TCF12: variants seen among roughly 807,000 people sequenced by gnomAD.
The protein encoded by TCF12 is DNA-binding protein HTF4.
In TCF12, 45 loss-of-function variants were observed where a neutral mutation model predicts 86.0. The observed-to-expected ratio is 0.52, with a 90% CI of 0.41 to 0.67. TCF12 has a LOEUF of 0.67. Ranked by LOEUF, TCF12 falls within the 30% of genes least tolerant of loss-of-function variation. The pLI, the probability that TCF12 is intolerant of heterozygous loss-of-function variation, is 0.00. For synonymous variants in TCF12, 330 were observed against 299.6 expected (o/e 1.10, Z -1.05); for missense variants, 881 against 859.9 (o/e 1.02, Z -0.31).
intron 8 of TCF12, among the ~76,000 whole-genome samples, chr15:57,211,390 C>CTTTAAA (rs2058094728): frequency 6.6e-6 from 1 of 151,868 alleles, no homozygotes; most frequent in Non-Finnish European, 1.5e-5. Context: ...CAAAGTGAGA[C>CTTTAAA]CTTGTGTCAA....
At chr15:57,132,300 A>G (rs2052188694) in intron 5 of TCF12, among the ~76,000 whole-genome samples, 1 of 152,222 alleles carries the variant, frequency 6.6e-6, no homozygotes, top group East Asian at 1.9e-4. Context: ...TGTAATCACT[A>G]TTAGCCTTTT....
At chr15:57,059,347 A>G (rs1195141789) in intron 3 of TCF12, among the ~76,000 whole-genome samples, 1 of 152,168 alleles carries the variant, frequency 6.6e-6, no homozygotes, top group East Asian at 1.9e-4. Flanking sequence ...CAGTATGGCC[A>G]GATTGAATTG....
At chr15:57,067,537 T>C (rs1596366775) in intron 4 of TCF12, among the ~76,000 whole-genome samples, 2 of 33,542 alleles carry the variant, frequency 6.0e-5, no homozygotes, top group African/African-American at 3.8e-4. Context: ...AGACTCCGTC[T>C]CAAAAAAAAA....
At chr15:56,923,204 T>C (rs1475016386) in intron 3 of TCF12, among the ~76,000 whole-genome samples, 2 of 152,096 alleles carry the variant, frequency 1.3e-5, no homozygotes, top group Non-Finnish European at 2.9e-5. Flanking sequence ...TGAGGAAGAC[T>C]CAATTTCACA....
At chr15:57,028,351 T>C (rs2065947762) in intron 3 of TCF12, among the ~76,000 whole-genome samples, 2 of 143,964 alleles carry the variant, frequency 1.4e-5, no homozygotes, top group Admixed American at 6.7e-5. Context: ...AACACATTAT[T>C]GTTGCAGTTG....
intron 4 of TCF12, among the ~76,000 whole-genome samples, chr15:57,069,514 C>A (rs535661686): frequency 1.6e-3 from 250 of 152,242 alleles, no homozygotes; most frequent in African/African-American, 5.8e-3. Context: ...TTTACAGTAT[C>A]ATAGAATTTT....
chr15:57,047,561 C>G (rs948466500), intron 3 of TCF12, among the ~76,000 whole-genome samples: 5 of 152,164 alleles, frequency 3.3e-5, no homozygotes, highest in Admixed American at 6.5e-5. Flanking sequence ...CCTTGAGCAG[C>G]AATTGATTAT....
At chr15:57,153,024 A>G (rs2053874779) in intron 5 of TCF12, among the ~76,000 whole-genome samples, 1 of 152,340 alleles carries the variant, frequency 6.6e-6, no homozygotes, top group Admixed American at 6.5e-5. Flanking sequence ...TGCAGGCAAG[A>G]TGATAGTGAT....
chr15:57,252,376 ATCTTAACCTG>A, intron 14 of TCF12, 35 bp from the exon 15 acceptor site: 1 of 1,512,308 alleles, frequency 6.6e-7, no homozygotes, highest in South Asian at 1.1e-5. Context: ...TTTGGAGTTA[ATCTTAACCTG>A]TGCTTTGCCT....
In TCF12 at chr15:57,150,890, C is replaced by T. The variant is rs2053697116; in HGVS notation, c.326-15512C>T. Among the ~76,000 whole-genome samples, 5 of 109,476 alleles carry T rather than the reference C, an allele frequency of 4.6e-5. 1 individual carries two copies. In the South Asian group the frequency reaches 2.0e-3, roughly 44 times the overall value. 71.8% of individuals were successfully genotyped at this position (109,476 alleles called of 152,430 possible). ...CCCTCTGTCCCTTCCTTCCTTCCTT[C>T]CTTCCTTCCTTCCTTCCTTCCTTCC... is the stretch of plus-strand genomic sequence containing the variant. On this transcript the variant is annotated intron_variant, in intron 5 of 20. Coordinates refer to ENST00000333725, the MANE Select transcript of TCF12 (RefSeq NM_207037.2).
intron 3 of TCF12, among the ~76,000 whole-genome samples, chr15:57,040,921 A>G (rs2066856909): frequency 2.0e-5 from 3 of 152,204 alleles, no homozygotes. Context: ...CTATTTTTGT[A>G]CATTTTAACA....
Position 57,274,221 on chromosome 15 carries a change from C to T in TCF12, c.1978+959C>T, listed in dbSNP as rs2061276164. Among the ~76,000 whole-genome samples, 3 of 67,532 alleles carry T rather than the reference C, an allele frequency of 4.4e-5. No individual in the cohort carries two copies. In the Admixed American group the frequency reaches 4.6e-4, roughly 10 times the overall value. 44.3% of individuals were successfully genotyped at this position (67,532 alleles called of 152,430 possible). On this transcript the variant is annotated intron_variant, in intron 19 of 20. Transcript: ENST00000333725. ...ATGCTTGAAAACTACAGCCATGGAG[C>T]CTCAGCATTAGATTACAGAATGAGT...
chr15:57,146,635 G>C (rs2053383180), intron 5 of TCF12, among the ~76,000 whole-genome samples: 2 of 152,108 alleles, frequency 1.3e-5, no homozygotes, highest in African/African-American at 4.8e-5. Flanking sequence ...TTAGCTTTTT[G>C]TTTGCTGTGA....
intron 3 of TCF12, among the ~76,000 whole-genome samples, chr15:56,935,917 G>C (rs1361720256): frequency 1.2e-4 from 18 of 152,234 alleles, no homozygotes; most frequent in African/African-American, 4.3e-4. Context: ...CATTTGAGCT[G>C]GTTCCATATT....
intron 8 of TCF12, among the ~76,000 whole-genome samples, chr15:57,222,702 G>GA (rs1171432186): frequency 1.5e-5 from 2 of 131,696 alleles, no homozygotes; most frequent in South Asian, 2.5e-4. Context: ...CAGAAAGTGA[G>GA]AAAAAAGTCT....
intron 12 of TCF12, among the ~76,000 whole-genome samples, chr15:57,236,742 G>T (rs191382615): frequency 6.6e-6 from 1 of 151,778 alleles, no homozygotes; most frequent in Admixed American, 6.6e-5. Flanking sequence ...CTGCATAATT[G>T]TGGTCTTAAT....
rs114757166 is a variant in TCF12 at position 57,005,972 on chromosome 15, A to T, written c.149-57778A>T. Among the ~76,000 whole-genome samples the T allele has an allele frequency of 6.3e-3, 966 of 152,218 alleles. 13 individuals carry two copies. Among genetic ancestry groups the T allele is most frequent in the African/African-American group, 0.022 (922 of 41,522 alleles). On this transcript the variant is annotated intron_variant, in intron 3 of 20. Transcript: ENST00000333725. ...TTCTTATTATACTCTTATTTGGTAG[A>T]CCTTTTTTCCAAACTTACTGTATTT...
chr15:56,970,888 A>G (rs2062275931), intron 3 of TCF12, among the ~76,000 whole-genome samples: 1 of 141,326 alleles, frequency 7.1e-6, no homozygotes, highest in South Asian at 2.2e-4. Context: ...TGTCTCTACA[A>G]AAAATAAAAA....
chr15:57,173,936 G>C (rs2055719367), intron 6 of TCF12, among the ~76,000 whole-genome samples: 2 of 152,080 alleles, frequency 1.3e-5, no homozygotes, highest in South Asian at 4.2e-4. Context: ...TCAAACCCCT[G>C]ACCTTGTGAT....
Sources: gnomAD v4.1 joint callset for allele counts (sites outside exome capture counted in the v4.1 genomes callset) on GRCh38, gnomAD v4.1.1 for gene constraint, MANE v1.5 for transcripts, NCBI Gene and HGNC (gene_info 2026-07-23, HGNC 2026-07-21) for gene names.